The following DNM3 variants were observed in gnomAD, a reference collection of about 807,000 sequenced individuals.
The protein encoded by DNM3 is dynamin 3, also known as dynamin-3.
In DNM3, 47 loss-of-function variants were observed where a neutral mutation model predicts 101.6. That is an observed-to-expected ratio of 0.46 (90% CI 0.37 to 0.59). The LOEUF is 0.59. Ranked by LOEUF, DNM3 falls within the 20% of genes least tolerant of loss-of-function variation. The pLI is 0.00. For missense variants in DNM3, 849 were observed against 1,085.7 expected (o/e 0.78, Z 3.06); for synonymous variants, 385 against 387.9 (o/e 0.99, Z 0.09).
Position 172,082,013 on chromosome 1 carries a change from G to A in DNM3, c.1493+111G>A, listed in dbSNP as rs2053186410. 3.5e-6 allele frequency: 4 copies of A among 1,135,324 alleles called. No homozygotes were observed. In the East Asian group the frequency reaches 9.6e-5, roughly 27 times the overall value. The allele number at this position is 1,135,324 out of a possible 1,614,324, so 70.3% of individuals were successfully genotyped here. The stretch of plus-strand genomic sequence containing the variant: ...ACCTTTGAGAATACAATCTGTGCCA[G>A]GATTAACTCTCAGTGTGCCTACTTA... On this transcript the variant is annotated intron_variant, in intron 12 of 20. Transcript: ENST00000627582.
chr1:171,907,440 A>G (rs2038924568), intron 1 of DNM3, among the ~76,000 whole-genome samples: 1 of 152,088 alleles, frequency 6.6e-6, no homozygotes, highest in African/African-American at 2.4e-5. Flanking sequence ...GCGGTGAGCC[A>G]AGATTGCGCC....
At chr1:171,872,063 T>G (rs1407032403) in intron 1 of DNM3, among the ~76,000 whole-genome samples, 1 of 151,976 alleles carries the variant, frequency 6.6e-6, no homozygotes, top group Non-Finnish European at 1.5e-5. Flanking sequence ...AGGAAAGGAA[T>G]GTGATAAGGT....
chr1:172,400,013 G>T (rs538467438), intron 20 of DNM3: 12 of 152,040 alleles, frequency 7.9e-5, no homozygotes, highest in African/African-American at 2.7e-4. Context: ...ATGCTTGAAA[G>T]GTTCTTGCTC....
At chr1:171,956,930 C>T (rs777768738) in intron 2 of DNM3, among the ~76,000 whole-genome samples, 6 of 152,178 alleles carry the variant, frequency 3.9e-5, no homozygotes, top group Non-Finnish European at 5.9e-5. Flanking sequence ...CCCTTTTAAC[C>T]ATGACTGGAG....
chr1:172,247,656 CTTATTTAT>C lies in DNM3; in HGVS notation c.1660-5886_1660-5879del, dbSNP rs1553207716. On this transcript the variant is annotated intron_variant, in intron 14 of 20. Coordinates refer to ENST00000627582, the MANE Select transcript of DNM3 (RefSeq NM_015569.5). Reference sequence around the variant, plus strand: ...TCTCTTTATTACTCTATTATTATTTCTTATTTATTTATTTATTTATTTATTTATTTATT... The same window carrying C: ...TCTCTTTATTACTCTATTATTATTTCTTATTTATTTATTTATTTATTTATT... 8.3e-4 allele frequency among the ~76,000 whole-genome samples: 113 copies of C among 135,386 alleles called. No individual in the cohort carries two copies. The South Asian group carries it at 0.01, about 12-fold the overall frequency. 88.8% of individuals were successfully genotyped at this position (135,386 alleles called of 152,430 possible).
At chr1:172,272,318 T>C (rs2063118784) in intron 15 of DNM3, among the ~76,000 whole-genome samples, 1 of 152,124 alleles carries the variant, frequency 6.6e-6, no homozygotes, top group African/African-American at 2.4e-5. Context: ...AATCTTTGGA[T>C]ATAATAGAAT....
intron 15 of DNM3, among the ~76,000 whole-genome samples, chr1:172,293,599 A>G (rs775492458): frequency 2.6e-5 from 4 of 152,206 alleles, no homozygotes; most frequent in Non-Finnish European, 5.9e-5. Context: ...TGGAAGCTTC[A>G]TCGACAGAAT....
chr1:172,410,767 T>C lies in DNM3; in HGVS notation c.*2926T>C. ...TCTAAAGTATATTAATGAAACCAGT[T>C]CCTGTGATGTAACTGTAAGCCTTCT... is the stretch of plus-strand genomic sequence containing the variant. On this transcript the variant is annotated 3_prime_UTR_variant, in exon 21 of 21. Coordinates refer to ENST00000627582, the MANE Select transcript of DNM3 (RefSeq NM_015569.5). 1.0e-6 allele frequency: 1 copy of C among 985,294 alleles called. No individual in the cohort carries two copies. The highest frequency in any genetic ancestry group is 1.2e-6 in the Non-Finnish European group (1 of 829,820). 61.0% of individuals were successfully genotyped at this position (985,294 alleles called of 1,614,324 possible).
chr1:172,109,349 A>G (rs1298195674), intron 13 of DNM3, among the ~76,000 whole-genome samples: 2 of 152,224 alleles, frequency 1.3e-5, no homozygotes, highest in Non-Finnish European at 2.9e-5. Flanking sequence ...GAACTCAACT[A>G]TCTATAAATG....
chr1:172,176,647 C>T (rs1246597966), intron 14 of DNM3, among the ~76,000 whole-genome samples: 4 of 151,764 alleles, frequency 2.6e-5, no homozygotes, highest in African/African-American at 9.7e-5. Context: ...ATTCCTGACC[C>T]ACAGAAATGT....
chr1:172,190,259 G>A (rs511520), intron 14 of DNM3, among the ~76,000 whole-genome samples: 35,678 of 151,698 alleles, frequency 0.24, 7,001 homozygotes, highest in African/African-American at 0.54. Flanking sequence ...GAGAACATGC[G>A]GTGTTTGGTT....
In DNM3 at chr1:172,388,818, T is replaced by C. The variant is rs1573702256; in HGVS notation, c.2522+9T>C. On this transcript the variant is annotated intron_variant, in intron 20 of 20. Transcript: ENST00000627582. ...CCGCCCAGTGTCCCAAGGTAAGGCA[T>C]GGAGCAGAAATTGGGGGGGTAGTGC... The C allele has an allele frequency of 6.4e-7, 1 of 1,561,026 alleles. No individual in the cohort carries two copies. The highest frequency in any genetic ancestry group is 1.9e-5 in the Admixed American group (1 of 52,544).
At chr1:172,365,613 T>C (rs891234686) in intron 17 of DNM3, among the ~76,000 whole-genome samples, 11 of 151,940 alleles carry the variant, frequency 7.2e-5, no homozygotes, top group Admixed American at 7.2e-4. Context: ...TATAATAAAA[T>C]GAGGCAAAAA....
At chr1:172,332,743 T>TTCCCA (rs1573502422) in intron 17 of DNM3, among the ~76,000 whole-genome samples, 1 of 152,128 alleles carries the variant, frequency 6.6e-6, no homozygotes, top group East Asian at 1.9e-4. Flanking sequence ...GAAAGTAACA[T>TTCCCA]GTTATTTCCA....
chr1:171,890,777 T>TATTAGAGACC (rs2037199237), intron 1 of DNM3, among the ~76,000 whole-genome samples: 1 of 152,196 alleles, frequency 6.6e-6, no homozygotes, highest in Non-Finnish European at 1.5e-5. Flanking sequence ...TTGTGATGAT[T>TATTAGAGACC]ATTAGAGACC....
chr1:172,103,451 A>T (rs947629900), intron 13 of DNM3, among the ~76,000 whole-genome samples: 1 of 152,224 alleles, frequency 6.6e-6, no homozygotes, highest in Non-Finnish European at 1.5e-5. Flanking sequence ...TCGCAGACAT[A>T]AAATGACAAA....
intron 1 of DNM3, among the ~76,000 whole-genome samples, chr1:171,920,549 A>G (rs2040076914): frequency 6.6e-6 from 1 of 152,298 alleles, no homozygotes; most frequent in East Asian, 1.9e-4. Flanking sequence ...CTGGAACCAC[A>G]TTTTGAGAAA....
chr1:172,049,732 C>T lies in DNM3; in HGVS notation c.1335+982C>T, dbSNP rs538425701. On this transcript the variant is annotated intron_variant, in intron 10 of 20. Transcript: ENST00000627582. ...TTTTTGTTAGTTTTGTTATCCTTCC[C>T]TTTATAGATGGTTACTAGCAGTTAC... 2.6e-5 allele frequency among the ~76,000 whole-genome samples: 4 copies of T among 152,192 alleles called. No homozygotes were observed. In the East Asian group the frequency reaches 7.7e-4, roughly 29 times the overall value.
Position 172,410,369 on chromosome 1 carries a change from T to A in DNM3, c.*2528T>A. 1 of 985,354 alleles carries A rather than the reference T, an allele frequency of 1.0e-6. No individual in the cohort carries two copies. Among genetic ancestry groups the A allele is most frequent in the Non-Finnish European group, 1.2e-6 (1 of 829,840 alleles). 61.0% of individuals were successfully genotyped at this position (985,354 alleles called of 1,614,324 possible). A position where few individuals can be genotyped will look rare whatever the true frequency, so the allele number is the denominator to read the frequency against. On this transcript the variant is annotated 3_prime_UTR_variant, in exon 21 of 21. Coordinates refer to ENST00000627582, the MANE Select transcript of DNM3 (RefSeq NM_015569.5). ...ACCATTTCTAATCTTTTGTGTAATTTTCTCTTAACTGATTGCTCTGATATT... is the reference window on the plus strand; with the variant it reads ...ACCATTTCTAATCTTTTGTGTAATTATCTCTTAACTGATTGCTCTGATATT...
Sources: gnomAD v4.1 joint callset for allele counts (sites outside exome capture counted in the v4.1 genomes callset) on GRCh38, gnomAD v4.1.1 for gene constraint, MANE v1.5 for transcripts, NCBI Gene and HGNC (gene_info 2026-07-23, HGNC 2026-07-21) for gene names.